The following LRCH1 variants were observed in gnomAD, a reference collection of about 807,000 sequenced individuals.
The protein encoded by LRCH1 is leucine-rich repeat and calponin homology domain-containing protein 1.
In LRCH1, 23 loss-of-function variants were observed where a neutral mutation model predicts 94.9. The observed-to-expected ratio is 0.24, with a 90% CI of 0.17 to 0.34. The LOEUF is 0.34. LRCH1 is among the 10% of genes least tolerant of loss of function. LRCH1 has a pLI of 1.00. For synonymous variants in LRCH1, 364 were observed against 354.9 expected (o/e 1.03, Z -0.29); for missense variants, 790 against 945.9 (o/e 0.84, Z 2.16).
intron 1 of LRCH1, among the ~76,000 whole-genome samples, chr13:46,638,145 G>A (rs758758379): frequency 3.3e-5 from 5 of 152,148 alleles, no homozygotes; most frequent in Non-Finnish European, 7.4e-5. Flanking sequence ...TAAAATATTT[G>A]TGACAAATAT....
intron 1 of LRCH1, among the ~76,000 whole-genome samples, chr13:46,571,542 G>A (rs1363573033): frequency 6.6e-6 from 1 of 152,174 alleles, no homozygotes; most frequent in African/African-American, 2.4e-5. Context: ...GGAGCTTCCT[G>A]GAACTGTGCA....
chr13:46,571,017 G>C (rs1594251493), intron 1 of LRCH1, among the ~76,000 whole-genome samples: 1 of 152,262 alleles, frequency 6.6e-6, no homozygotes, highest in African/African-American at 2.4e-5. Flanking sequence ...GTAACGGCCA[G>C]TTGCCCTCGG....
intron 1 of LRCH1, among the ~76,000 whole-genome samples, chr13:46,635,773 CT>C (rs2051079732): frequency 6.6e-6 from 1 of 152,026 alleles, no homozygotes; most frequent in African/African-American, 2.4e-5. Flanking sequence ...ACCCGGCCCC[CT>C]CCCACCTTTT....
intron 1 of LRCH1, among the ~76,000 whole-genome samples, chr13:46,586,077 G>A (rs2050432349): frequency 6.6e-6 from 1 of 152,070 alleles, no homozygotes; most frequent in Non-Finnish European, 1.5e-5. Flanking sequence ...TAAAAGCCTC[G>A]TGCATTCTTT....
intron 1 of LRCH1, among the ~76,000 whole-genome samples, chr13:46,588,313 A>G (rs1035265226): frequency 2.0e-5 from 3 of 152,232 alleles, no homozygotes; most frequent in African/African-American, 7.2e-5. Context: ...GTTTTCAGAG[A>G]TAAATAAGTA....
chr13:46,741,939 A>T lies in LRCH1; in HGVS notation c.*91A>T. On this transcript the variant is annotated 3_prime_UTR_variant, in exon 20 of 20. Transcript: ENST00000389797. ...TTGAGCCTTTGCCTTGCAAACTTCC[A>T]TCCCTGTCATGTCTTCAGTTATCTC... 1 of 1,584,808 alleles carries T rather than the reference A, an allele frequency of 6.3e-7. No individual in the cohort carries two copies. Among genetic ancestry groups the T allele is most frequent in the South Asian group, 1.1e-5 (1 of 87,234 alleles).
intron 1 of LRCH1, among the ~76,000 whole-genome samples, chr13:46,567,303 A>G (rs2050194763): frequency 6.6e-6 from 1 of 152,214 alleles, no homozygotes; most frequent in East Asian, 1.9e-4. Flanking sequence ...CTATACATTA[A>G]TTACCTCTAC....
intron 17 of LRCH1, among the ~76,000 whole-genome samples, chr13:46,726,485 A>G (rs1366358451): frequency 6.6e-6 from 1 of 152,258 alleles, no homozygotes; most frequent in Non-Finnish European, 1.5e-5. Context: ...GGGACAGCCC[A>G]GCAAGACACA....
In LRCH1 at chr13:46,694,090, ATAAAGTTAGT is replaced by A. The variant is rs1243376206; in HGVS notation, c.1121-802_1121-793del. Among the ~76,000 whole-genome samples the A allele has an allele frequency of 2.6e-5, 4 of 152,238 alleles. No homozygotes were observed. In the East Asian group the frequency reaches 5.8e-4, roughly 22 times the overall value. ...TATAACTGCCACTTTATTAATTCAT[ATAAAGTTAGT>A]AATATTATACACTGTAGGAGGTAGT... On this transcript the variant is annotated intron_variant, in intron 8 of 19. Transcript: ENST00000389797.
intron 1 of LRCH1, among the ~76,000 whole-genome samples, chr13:46,579,110 T>C (rs1179485885): frequency 6.6e-6 from 1 of 152,172 alleles, no homozygotes; most frequent in Non-Finnish European, 1.5e-5. Context: ...ATGTAGCCCT[T>C]GGACTAAAAA....
intron 1 of LRCH1, among the ~76,000 whole-genome samples, chr13:46,627,056 A>G (rs1458632031): frequency 6.6e-6 from 1 of 152,200 alleles, no homozygotes; most frequent in Non-Finnish European, 1.5e-5. Context: ...ATGGAAAGAA[A>G]TTTTGAATCT....
chr13:46,695,112 A>G, intron 9 of LRCH1, 95 bp downstream of exon 9: 3 of 1,461,092 alleles, frequency 2.1e-6, no homozygotes, highest in Non-Finnish European at 2.8e-6. Context: ...ATCCCCTTCA[A>G]TGTCCAGCTT....
chr13:46,579,208 G>A (rs2050337885), intron 1 of LRCH1, among the ~76,000 whole-genome samples: 1 of 152,130 alleles, frequency 6.6e-6, no homozygotes, highest in Non-Finnish European at 1.5e-5. Flanking sequence ...GACTGTGGAT[G>A]GCATCTGATT....
At chr13:46,592,157 C>T (rs540685760) in intron 1 of LRCH1, among the ~76,000 whole-genome samples, 53 of 152,290 alleles carry the variant, frequency 3.5e-4, no homozygotes, top group Middle Eastern at 6.8e-3. Context: ...TAAGGTACGG[C>T]GCCTCGTGGA....
chr13:46,650,481 T>C (rs2051278470), intron 2 of LRCH1, 136 bp downstream of exon 2: 2 of 638,214 alleles, frequency 3.1e-6, no homozygotes, highest in Non-Finnish European at 5.1e-6. Flanking sequence ...ATGTTTTAAG[T>C]AATAACTTTT....
At chr13:46,708,632 A>G (rs1871900641) in intron 13 of LRCH1, among the ~76,000 whole-genome samples, 1 of 152,098 alleles carries the variant, frequency 6.6e-6, no homozygotes, top group East Asian at 1.9e-4. Flanking sequence ...CCCAATTCCA[A>G]TGGTTATTAG....
At chr13:46,722,365 GA>G (rs544779393) in intron 16 of LRCH1, among the ~76,000 whole-genome samples, 2 of 148,850 alleles carry the variant, frequency 1.3e-5, no homozygotes, top group Admixed American at 6.7e-5. Flanking sequence ...TCTCTAGGAA[GA>G]AAAAAAAAAT....
At chr13:46,554,509 T>C (rs2050041347) in intron 1 of LRCH1, among the ~76,000 whole-genome samples, 1 of 152,134 alleles carries the variant, frequency 6.6e-6, no homozygotes, top group South Asian at 2.1e-4. Flanking sequence ...CGTGGCATAT[T>C]AAAGGCAAAG....
At chr13:46,680,515 C>T (rs779089939) in intron 3 of LRCH1, among the ~76,000 whole-genome samples, 2 of 152,042 alleles carry the variant, frequency 1.3e-5, no homozygotes, top group Non-Finnish European at 2.9e-5. Context: ...AAAGATTTCA[C>T]GAAAGAGGTT....
Sources: allele counts gnomAD v4.1 joint callset (sites outside exome capture counted in the v4.1 genomes callset), GRCh38; gene constraint gnomAD v4.1.1; transcripts MANE v1.5; gene names NCBI Gene and HGNC (gene_info 2026-07-23, HGNC 2026-07-21).